Variants in SYT9 observed in about 807,000 individuals in gnomAD.
SYT9 encodes the protein synaptotagmin 9, also known as synaptotagmin-9.
In SYT9, 22 loss-of-function variants were observed where a neutral mutation model predicts 48.4. The ratio of observed to expected loss-of-function variants is 0.45; its 90% CI spans 0.32 to 0.65. The LOEUF is 0.65. Ranked by LOEUF, SYT9 falls within the 30% of genes least tolerant of loss-of-function variation. SYT9 has a pLI of 0.03. For synonymous variants in SYT9, 265 were observed against 245.0 expected, an observed-to-expected ratio of 1.08 and a Z score of -0.76; for missense variants, 577 against 622.0, an observed-to-expected ratio of 0.93 and a Z score of 0.77.
At chr11:7,318,792 G>A (rs959153197) in intron 3 of SYT9, among the ~76,000 whole-genome samples, 4 of 151,686 alleles carry the variant, frequency 2.6e-5, no homozygotes, top group African/African-American at 9.7e-5. Context: ...CTAATTTTGA[G>A]CCAATCTTAT....
At chr11:7,395,311 G>T (rs78216475) in intron 3 of SYT9, among the ~76,000 whole-genome samples, 5 of 152,114 alleles carry the variant, frequency 3.3e-5, no homozygotes, top group Non-Finnish European at 7.4e-5. Context: ...TGAGAAGAAT[G>T]TACATTCTAT....
At chr11:7,309,120 C>T (rs1196008636) in intron 2 of SYT9, among the ~76,000 whole-genome samples, 1 of 152,190 alleles carries the variant, frequency 6.6e-6, no homozygotes, top group East Asian at 1.9e-4. Context: ...CTATTCTTCC[C>T]ACTTAGGTCT....
chr11:7,417,594 C>T (rs1212641137), intron 4 of SYT9, among the ~76,000 whole-genome samples: 2 of 152,198 alleles, frequency 1.3e-5, no homozygotes, highest in African/African-American at 4.8e-5. Context: ...TGAGGTGGCT[C>T]AGAGCTGGGG....
chr11:7,377,553 A>C (rs1473000441), intron 3 of SYT9, among the ~76,000 whole-genome samples: 1 of 151,054 alleles, frequency 6.6e-6, no homozygotes, highest in Non-Finnish European at 1.5e-5. Context: ...CTCTTTCTTT[A>C]TTTTTTTTTC....
intron 3 of SYT9, among the ~76,000 whole-genome samples, chr11:7,379,865 T>C (rs1850528476): frequency 6.6e-6 from 1 of 152,134 alleles, no homozygotes; most frequent in Non-Finnish European, 1.5e-5. Context: ...GTATAACCAC[T>C]ATGGAGAGCA....
At chr11:7,311,284 C>T (rs1395095655) in intron 2 of SYT9, among the ~76,000 whole-genome samples, 1 of 152,170 alleles carries the variant, frequency 6.6e-6, no homozygotes, top group African/African-American at 2.4e-5. Context: ...CCCCAGTTGA[C>T]AACAGTGACA....
intron 6 of SYT9, among the ~76,000 whole-genome samples, chr11:7,428,986 T>C (rs1847516702): frequency 6.6e-6 from 1 of 152,118 alleles, no homozygotes. Flanking sequence ...TACAGCCAAA[T>C]TAATGGAGGG....
intron 1 of SYT9, among the ~76,000 whole-genome samples, chr11:7,290,971 G>T (rs1375454575): frequency 6.6e-6 from 1 of 152,100 alleles, no homozygotes; most frequent in African/African-American, 2.4e-5. Flanking sequence ...AATACTCCAG[G>T]GCTAGTAATA....
At chr11:7,448,914 G>A (rs971868053) in intron 6 of SYT9, among the ~76,000 whole-genome samples, 6 of 152,070 alleles carry the variant, frequency 3.9e-5, no homozygotes, top group Non-Finnish European at 8.8e-5. Flanking sequence ...GGCTTGAGGT[G>A]GAAAGGAAAA....
intron 3 of SYT9, among the ~76,000 whole-genome samples, chr11:7,371,757 ATG>A (rs1382923297): frequency 6.6e-6 from 1 of 152,048 alleles, no homozygotes; most frequent in African/African-American, 2.4e-5. Context: ...TCATATTTTA[ATG>A]TGTGTGGAGG....
At chr11:7,369,793 AAAC>A in intron 3 of SYT9, among the ~76,000 whole-genome samples, 1 of 125,478 alleles carries the variant, frequency 8.0e-6, no homozygotes, top group African/African-American at 3.3e-5. Context: ...ACACACACAC[AAAC>A]ACACACACAC....
intron 6 of SYT9, chr11:7,450,352 G>C (rs1252076845): frequency 6.6e-6 from 1 of 152,182 alleles, no homozygotes; most frequent in Admixed American, 6.5e-5. Context: ...CAACATGCCA[G>C]TTCCACATGT....
intron 1 of SYT9, among the ~76,000 whole-genome samples, chr11:7,246,622 T>A (rs1018740396): frequency 3.9e-5 from 6 of 152,220 alleles, no homozygotes; most frequent in African/African-American, 1.4e-4. Context: ...CCTGTTTCTA[T>A]CATTTACCAG....
chr11:7,349,761 G>A (rs1849877361), intron 3 of SYT9, among the ~76,000 whole-genome samples: 1 of 152,188 alleles, frequency 6.6e-6, no homozygotes, highest in Non-Finnish European at 1.5e-5. Context: ...AGGTATAGAA[G>A]GGTTCATTAC....
upstream of SYT9, among the ~76,000 whole-genome samples, chr11:7,249,498 G>C (rs1293740485): frequency 1.3e-5 from 2 of 152,278 alleles, no homozygotes. Context: ...ATTTGTCCTT[G>C]AACAAATTGT....
In SYT9 at chr11:7,341,809, T is replaced by G. The variant is rs562657613; in HGVS notation, c.1044+27868T>G. On this transcript the variant is annotated intron_variant, in intron 3 of 6. Transcript: ENST00000318881. ...TTGCAAGAAGCAGTCAGTCTTTGTA[T>G]TATTTCATTTTCATGCTGCTGATAA... Among the ~76,000 whole-genome samples, 10 of 152,254 alleles carry G rather than the reference T, an allele frequency of 6.6e-5. No homozygotes were observed. In the East Asian group the frequency reaches 1.9e-3, roughly 29 times the overall value.
chr11:7,246,680 C>T (rs181767499), intron 1 of SYT9, among the ~76,000 whole-genome samples: 1 of 152,260 alleles, frequency 6.6e-6, no homozygotes, highest in East Asian at 1.9e-4. Context: ...AGGTTGCTCC[C>T]AAACTCTATG....
chr11:7,265,388 G>T (rs1292337591), intron 1 of SYT9, among the ~76,000 whole-genome samples: 1 of 152,084 alleles, frequency 6.6e-6, no homozygotes, highest in Non-Finnish European at 1.5e-5. Context: ...TTGTAAAGTG[G>T]TTCCCAGTTC....
intron 3 of SYT9, among the ~76,000 whole-genome samples, chr11:7,383,297 G>A (rs769136285): frequency 3.3e-5 from 5 of 152,154 alleles, no homozygotes; most frequent in Non-Finnish European, 7.3e-5. Flanking sequence ...TTAGAAAGAG[G>A]CTCTGTAAGT....
Sources: allele counts gnomAD v4.1 joint callset (sites outside exome capture counted in the v4.1 genomes callset), GRCh38; gene constraint gnomAD v4.1.1; transcripts MANE v1.5; gene names NCBI Gene and HGNC (gene_info 2026-07-23, HGNC 2026-07-21).